TRPM8: variants seen among roughly 807,000 people sequenced by gnomAD.
TRPM8 encodes TRPM8 cationic channel.
In TRPM8, 110 loss-of-function variants were observed where a neutral mutation model predicts 133.7. That is an observed-to-expected ratio of 0.82 (90% CI 0.70 to 0.96). The LOEUF (loss-of-function observed/expected upper bound fraction) is 0.96, where lower values mean the gene tolerates loss of function less well. Ranked by LOEUF, TRPM8 falls within the 40% of genes least tolerant of loss-of-function variation. The pLI is 0.00. For missense variants in TRPM8, 1,291 were observed against 1,379.5 expected (o/e 0.94, Z 1.02); for synonymous variants, 535 against 532.3 (o/e 1.01, Z -0.07).
intron 1 of TRPM8, among the ~76,000 whole-genome samples, 177 bp downstream of exon 1, chr2:233,917,609 C>T (rs1024751303): frequency 6.6e-6 from 1 of 152,096 alleles, no homozygotes; most frequent in Non-Finnish European, 1.5e-5. Context: ...TAAGCAAATG[C>T]GGGTTCACAG....
At chr2:233,985,933 T>C in intron 21 of TRPM8, 68 bp downstream of exon 21, 2 of 1,471,320 alleles carry the variant, frequency 1.4e-6, no homozygotes, top group Non-Finnish European at 1.9e-6. Context: ...CTGGAGGTGC[T>C]GGGAGCATCG....
At chr2:233,977,424 T>G (rs1048926782) in intron 17 of TRPM8, among the ~76,000 whole-genome samples, 1 of 152,190 alleles carries the variant, frequency 6.6e-6, no homozygotes, top group Non-Finnish European at 1.5e-5. Context: ...GCCTCAGGAT[T>G]GACCTATTTC....
At chr2:233,992,966 G>A (rs766450506) in intron 21 of TRPM8, among the ~76,000 whole-genome samples, 10 of 152,188 alleles carry the variant, frequency 6.6e-5, no homozygotes, top group Admixed American at 4.6e-4. Flanking sequence ...GCAGGTGGAA[G>A]CATCGCTCCA....
intron 17 of TRPM8, among the ~76,000 whole-genome samples, chr2:233,976,478 A>C (rs968735321): frequency 6.6e-6 from 1 of 152,060 alleles, no homozygotes; most frequent in Non-Finnish European, 1.5e-5. Flanking sequence ...GGGAGTAGAC[A>C]GGGGCAGGTG....
At chr2:233,919,181 A>G (rs181312488) in intron 1 of TRPM8, among the ~76,000 whole-genome samples, 49 of 152,216 alleles carry the variant, frequency 3.2e-4, no homozygotes, top group African/African-American at 1.1e-3. Context: ...TTTTATTAGG[A>G]TAATAAGAGC....
In TRPM8 at chr2:233,983,132, G is replaced by A; in HGVS notation, c.2669G>A (p.Arg890Lys). The change falls in exon 20 of 26, where the codon AGG becomes AAG. Residue 890 changes from arginine to lysine, a missense_variant. This residue lies in a region of TRPM8 where 328 missense variants were observed against 410.6 expected (regional missense o/e 0.80). Transcript: ENST00000324695. ...AFGVARQGIL[R>K]QNEQRWRWIF... The stretch of plus-strand genomic sequence containing the variant: ...GGCGTGGCCAGGCAAGGGATCCTTA[G>A]GCAGAATGAGCAGCGCTGGAGGTGG... 6.2e-7 allele frequency: 1 copy of A among 1,614,184 alleles called. No homozygotes were observed.
intron 7 of TRPM8, 71 bp from the exon 8 acceptor site, chr2:233,947,017 C>A: frequency 6.9e-7 from 1 of 1,450,464 alleles, no homozygotes; most frequent in South Asian, 1.2e-5. Context: ...AGCTCTTGGT[C>A]CAACTTTTCA....
chr2:233,922,891 C>G (rs1691436859), intron 1 of TRPM8, among the ~76,000 whole-genome samples: 1 of 152,070 alleles, frequency 6.6e-6, no homozygotes, highest in African/African-American at 2.4e-5. Context: ...TTTTTTGAAA[C>G]AGAGTCTCGC....
At chr2:233,946,291 A>G (rs1219647953) in intron 7 of TRPM8, 2 of 357,794 alleles carry the variant, frequency 5.6e-6, no homozygotes, top group Non-Finnish European at 1.0e-5. Context: ...GTTAGTATCA[A>G]AAGCTGGCTG....
rs1691033409 is a variant in TRPM8 at position 233,945,965 on chromosome 2, AT to A, written c.810del (p.Thr272LeufsTer10). 1 of 1,614,078 alleles carries A rather than the reference AT, an allele frequency of 6.2e-7. No homozygotes were observed. The highest frequency in any genetic ancestry group is 8.5e-7 in the Non-Finnish European group (1 of 1,180,018). Reference protein sequence around the residue: ...LLLVDNGCHGHPTVEAKLRNQ... With the variant: ...LLLVDNGCHGXPTVEAKLRNQ... Reference sequence around the variant, plus strand: ...CTCGTGGACAATGGCTGTCATGGACATCCCACTGTCGAAGCAAAGCTCCGGA... The same window carrying A: ...CTCGTGGACAATGGCTGTCATGGACACCCACTGTCGAAGCAAAGCTCCGGA... On this transcript the variant is annotated frameshift_variant, in exon 7 of 26. Coordinates refer to ENST00000324695, the MANE Select transcript of TRPM8 (RefSeq NM_024080.5). LOFTEE classifies it high-confidence loss of function.
chr2:233,995,556 G>A (rs1033694666), intron 21 of TRPM8, among the ~76,000 whole-genome samples: 34 of 152,266 alleles, frequency 2.2e-4, no homozygotes, highest in African/African-American at 7.2e-4. Flanking sequence ...TAACAAAACC[G>A]TATTGTAAGT....
chr2:233,940,585 T>C (rs547131176), intron 5 of TRPM8, among the ~76,000 whole-genome samples: 28 of 152,210 alleles, frequency 1.8e-4, no homozygotes, highest in African/African-American at 6.7e-4. Flanking sequence ...TGAAGTGAAG[T>C]GATTGAGGAA....
At chr2:234,006,276 A>G (rs941100266) in intron 22 of TRPM8, among the ~76,000 whole-genome samples, 4 of 152,200 alleles carry the variant, frequency 2.6e-5, no homozygotes, top group South Asian at 2.1e-4. Flanking sequence ...CTCAGGCACC[A>G]TAAGGAATTG....
chr2:234,008,182 T>C (rs567138533), intron 24 of TRPM8, 79 bp downstream of exon 24: 5 of 1,404,014 alleles, frequency 3.6e-6, no homozygotes, highest in South Asian at 1.3e-5. Flanking sequence ...AGGCCAGTAG[T>C]TGTGATAATA....
At chr2:233,951,093 A>C (rs377181501) in intron 9 of TRPM8, among the ~76,000 whole-genome samples, 1 of 152,134 alleles carries the variant, frequency 6.6e-6, no homozygotes, top group Non-Finnish European at 1.5e-5. Context: ...GCATGCTGAC[A>C]TATGACTATA....
Position 234,018,442 on chromosome 2 carries a change from C to A in TRPM8, c.*1186C>A, listed in dbSNP as rs866653320. 1.3e-5 allele frequency: 2 copies of A among 151,386 alleles called. No homozygotes were observed. Among genetic ancestry groups the A allele is most frequent in the South Asian group, 4.2e-4 (2 of 4,816 alleles). The allele number at this position is 151,386 out of a possible 1,614,324, so 9.4% of individuals were successfully genotyped here. ...TATTTATTATTAAATATTAAAATAT[C>A]TATTTATTATTAAAACCATTTATAA... On this transcript the variant is annotated 3_prime_UTR_variant, in exon 26 of 26. Coordinates refer to ENST00000324695, the MANE Select transcript of TRPM8 (RefSeq NM_024080.5).
chr2:233,966,877 G>C, intron 15 of TRPM8, 122 bp downstream of exon 15: 2 of 1,298,514 alleles, frequency 1.5e-6, no homozygotes, highest in Non-Finnish European at 2.0e-6. Flanking sequence ...GCCATAGAAG[G>C]AGTGGTTTGG....
At chr2:234,008,415 G>A (rs1260981815) in intron 24 of TRPM8, among the ~76,000 whole-genome samples, 3 of 152,152 alleles carry the variant, frequency 2.0e-5, no homozygotes, top group South Asian at 4.1e-4. Flanking sequence ...CATAAGGAAG[G>A]CTCAAAAGAG....
intron 22 of TRPM8, among the ~76,000 whole-genome samples, chr2:234,001,560 A>G (rs1231390703): frequency 6.6e-6 from 1 of 152,242 alleles, no homozygotes; most frequent in East Asian, 1.9e-4. Flanking sequence ...CGCACACCAC[A>G]CTACCCACAG....
Sources: allele counts gnomAD v4.1 joint callset (sites outside exome capture counted in the v4.1 genomes callset), GRCh38; gene constraint gnomAD v4.1.1; regional missense constraint gnomAD v4.1.1; transcripts MANE v1.5; gene names NCBI Gene and HGNC (gene_info 2026-07-23, HGNC 2026-07-21).